The following PDZRN4 variants were observed in gnomAD, a reference collection of about 807,000 sequenced individuals.
The protein encoded by PDZRN4 is PDZ domain containing ring finger 4.
Under a neutral mutation model 99.0 loss-of-function variants are expected in PDZRN4, and 70 were observed. That is an observed-to-expected ratio of 0.71 (90% CI 0.58 to 0.86). PDZRN4 has a LOEUF of 0.86. Among genes scored for constraint, PDZRN4 ranks in the 40% least tolerant of loss-of-function variants. The pLI, the probability that PDZRN4 is intolerant of heterozygous loss-of-function variation, is 0.00. For synonymous variants in PDZRN4, 551 were observed against 501.6 expected (o/e 1.10, Z -1.32); for missense variants, 1,474 against 1,331.2 (o/e 1.11, Z -1.67).
intron 5 of PDZRN4, among the ~76,000 whole-genome samples, chr12:41,541,488 G>A (rs186661757): frequency 8.5e-4 from 119 of 140,586 alleles, no homozygotes; most frequent in East Asian, 6.7e-3. Flanking sequence ...TTGCTCTGTC[G>A]CCCAGGCTGG....
intron 3 of PDZRN4, among the ~76,000 whole-genome samples, chr12:41,305,375 C>T (rs573366831): frequency 1.6e-4 from 25 of 152,248 alleles, no homozygotes; most frequent in African/African-American, 6.0e-4. Flanking sequence ...GCCAAACATG[C>T]AATAAGTACT....
chr12:41,370,904 CT>C (rs1454605195), intron 3 of PDZRN4, among the ~76,000 whole-genome samples: 3 of 151,062 alleles, frequency 2.0e-5, no homozygotes, highest in African/African-American at 7.3e-5. Context: ...CGTTATTCTG[CT>C]TTTTTCTTAT....
At chr12:41,307,610 AT>A (rs10542756) in intron 3 of PDZRN4, among the ~76,000 whole-genome samples, 71,761 of 147,078 alleles carry the variant, frequency 0.49, 19,592 homozygotes, top group Middle Eastern at 0.65. Flanking sequence ...GGAGAGCCAG[AT>A]TTTTTTTTTT....
In PDZRN4 at chr12:41,383,891, G is replaced by C. The variant is rs183300384; in HGVS notation, c.844-122565G>C. Among the ~76,000 whole-genome samples the C allele has an allele frequency of 5.3e-4, 80 of 150,940 alleles. 1 individual carries two copies. The highest frequency in any genetic ancestry group is 1.4e-3 in the African/African-American group (58 of 41,168). Reference sequence around the variant, plus strand: ...CTTGTCTTCAAACTACCTCCTTGGAGGCTCCTGTAATAATCAGTTCATCAT... The same window carrying C: ...CTTGTCTTCAAACTACCTCCTTGGACGCTCCTGTAATAATCAGTTCATCAT... On this transcript the variant is annotated intron_variant, in intron 3 of 9. Transcript: ENST00000402685.
chr12:41,245,035 T>C (rs1408541106), intron 3 of PDZRN4, among the ~76,000 whole-genome samples: 1 of 152,142 alleles, frequency 6.6e-6, no homozygotes, highest in Non-Finnish European at 1.5e-5. Context: ...TCTGGTCCAA[T>C]GGCACCTTAT....
At chr12:41,206,626 A>G (rs778383015) in intron 3 of PDZRN4, among the ~76,000 whole-genome samples, 15 of 151,814 alleles carry the variant, frequency 9.9e-5, no homozygotes, top group Non-Finnish European at 1.6e-4. Context: ...CTCAGCAGGC[A>G]CTCAGCTATT....
chr12:41,290,421 C>T (rs1031064287), intron 3 of PDZRN4, among the ~76,000 whole-genome samples: 4 of 152,060 alleles, frequency 2.6e-5, no homozygotes, highest in African/African-American at 7.2e-5. Flanking sequence ...ATTGATTTAT[C>T]GCATTTTCCA....
chr12:41,455,075 A>T (rs1379770), intron 3 of PDZRN4, among the ~76,000 whole-genome samples: 27 of 151,936 alleles, frequency 1.8e-4, no homozygotes, highest in Non-Finnish European at 1.5e-4. Flanking sequence ...ATATGCAGTT[A>T]TATAGAAATG....
chr12:41,250,123 T>A (rs1221997069), intron 3 of PDZRN4, among the ~76,000 whole-genome samples: 1 of 152,184 alleles, frequency 6.6e-6, no homozygotes, highest in African/African-American at 2.4e-5. Context: ...TTCAGACATA[T>A]CATTGTAAAT....
intron 3 of PDZRN4, among the ~76,000 whole-genome samples, chr12:41,323,493 A>T (rs1290253433): frequency 6.6e-6 from 1 of 152,150 alleles, no homozygotes; most frequent in Non-Finnish European, 1.5e-5. Context: ...TAAGCAGAAG[A>T]TGAAAAAGTA....
chr12:41,510,889 T>C (rs1322791897), intron 5 of PDZRN4, among the ~76,000 whole-genome samples: 1 of 152,132 alleles, frequency 6.6e-6, no homozygotes, highest in Non-Finnish European at 1.5e-5. Context: ...TAGAAGGATG[T>C]GAAATGACAA....
chr12:41,504,166 G>C (rs1323456021), intron 3 of PDZRN4, among the ~76,000 whole-genome samples: 1 of 152,160 alleles, frequency 6.6e-6, no homozygotes, highest in African/African-American at 2.4e-5. Flanking sequence ...CTACTTGGGT[G>C]GCTGAGGCAG....
chr12:41,354,578 A>G (rs1951913668), intron 3 of PDZRN4, among the ~76,000 whole-genome samples: 1 of 152,090 alleles, frequency 6.6e-6, no homozygotes, highest in African/African-American at 2.4e-5. Context: ...GAGAACAAGA[A>G]TTATCCAAGA....
intron 3 of PDZRN4, among the ~76,000 whole-genome samples, chr12:41,263,120 G>A (rs1951253397): frequency 6.6e-6 from 1 of 152,050 alleles, no homozygotes; most frequent in East Asian, 1.9e-4. Context: ...AAAATAATGT[G>A]TGTGTGTGTG....
intron 3 of PDZRN4, among the ~76,000 whole-genome samples, chr12:41,358,459 G>A (rs1951943178): frequency 1.3e-5 from 2 of 151,808 alleles, no homozygotes; most frequent in South Asian, 2.1e-4. Context: ...AAATGTCCTG[G>A]ACAATTTCCA....
chr12:41,563,587 G>A lies in PDZRN4; in HGVS notation c.1405G>A (p.Ala469Thr), dbSNP rs1477299052. The stretch of plus-strand genomic sequence containing the variant: ...TGTCCAGAATCGAGAAGAAGCAGTG[G>A]CCTTGCTGTCTAACGATGAGTGTAA... ...EDVQNREEAV[A>T]LLSNDECKRI... The change falls in exon 8 of 10, where the codon GCC (alanine) becomes ACC (threonine). Residue 469 changes from alanine to threonine, a missense_variant. Transcript: ENST00000402685. The A allele has an allele frequency of 1.9e-6, 3 of 1,613,550 alleles. No individual in the cohort carries two copies. Among genetic ancestry groups the A allele is most frequent in the East Asian group, 2.2e-5 (1 of 44,854 alleles).
chr12:41,491,043 A>G lies in PDZRN4; in HGVS notation c.844-15413A>G, dbSNP rs191698480. On this transcript the variant is annotated intron_variant, in intron 3 of 9. Coordinates refer to ENST00000402685, the MANE Select transcript of PDZRN4 (RefSeq NM_001164595.2). The stretch of plus-strand genomic sequence containing the variant: ...CTACCAGGCTCTCTGAGGGTTCCCT[A>G]CAGTGTAGTAGCACATCTGCCACAT... 8.5e-5 allele frequency among the ~76,000 whole-genome samples: 13 copies of G among 152,260 alleles called. 1 individual carries two copies. The highest frequency in any genetic ancestry group is 7.2e-4 in the Admixed American group (11 of 15,268).
chr12:41,529,502 C>T (rs1171507619), intron 5 of PDZRN4, among the ~76,000 whole-genome samples: 1 of 152,188 alleles, frequency 6.6e-6, no homozygotes, highest in African/African-American at 2.4e-5. Flanking sequence ...ATCAGACACA[C>T]ACATTTATGC....
At chr12:41,242,731 T>C (rs911864622) in intron 3 of PDZRN4, among the ~76,000 whole-genome samples, 2 of 152,176 alleles carry the variant, frequency 1.3e-5, no homozygotes, top group African/African-American at 2.4e-5. Context: ...TCACCCAAAA[T>C]GTCAGTTAGA....
Sources: gnomAD v4.1 joint callset for allele counts (sites outside exome capture counted in the v4.1 genomes callset) on GRCh38, gnomAD v4.1.1 for gene constraint, MANE v1.5 for transcripts, NCBI Gene and HGNC (gene_info 2026-07-23, HGNC 2026-07-21) for gene names.